The following DLGAP2 variants were observed in gnomAD, a reference collection of about 807,000 sequenced individuals.
DLGAP2 encodes disks large-associated protein 2.
DLGAP2 carries 26 observed loss-of-function variants against 100.3 expected under a neutral mutation model. That is an observed-to-expected ratio of 0.26 (90% CI 0.19 to 0.36). DLGAP2 has a LOEUF of 0.36. Ranked by LOEUF, DLGAP2 falls within the 10% of genes least tolerant of loss-of-function variation. The pLI is 1.00. For missense variants in DLGAP2, 1,858 were observed against 1,453.2 expected (o/e 1.28, Z -4.53); for synonymous variants, 886 against 630.1 (o/e 1.41, Z -6.08).
At chr8:1,274,558 T>C (rs1013681949) in intron 3 of DLGAP2, among the ~76,000 whole-genome samples, 3 of 151,366 alleles carry the variant, frequency 2.0e-5, no homozygotes, top group Admixed American at 6.6e-5. Flanking sequence ...TTTTAGAACA[T>C]AAACCATAAA....
At chr8:1,104,694 G>C (rs1399218655) in intron 2 of DLGAP2, among the ~76,000 whole-genome samples, 1 of 151,154 alleles carries the variant, frequency 6.6e-6, no homozygotes, top group East Asian at 2.0e-4. Context: ...GGGCTGGTGG[G>C]CTGCACTGAG....
intron 2 of DLGAP2, among the ~76,000 whole-genome samples, chr8:994,003 T>G (rs1437650368): frequency 1.3e-5 from 2 of 152,246 alleles, no homozygotes; most frequent in Non-Finnish European, 2.9e-5. Flanking sequence ...TTTATTAGTA[T>G]ACTTTTGTAT....
At chr8:964,519 G>C (rs1302322901) in intron 2 of DLGAP2, among the ~76,000 whole-genome samples, 1 of 152,238 alleles carries the variant, frequency 6.6e-6, no homozygotes, top group Non-Finnish European at 1.5e-5. Context: ...TCCAGGTTCA[G>C]CTGTTTATTT....
intron 12 of DLGAP2, among the ~76,000 whole-genome samples, chr8:1,686,894 C>G (rs968155917): frequency 2.6e-5 from 4 of 152,232 alleles, no homozygotes; most frequent in Admixed American, 2.6e-4. Flanking sequence ...AACACACACA[C>G]ATAAATGTTT....
chr8:1,315,090 C>A (rs551672141), intron 3 of DLGAP2, among the ~76,000 whole-genome samples: 1 of 152,182 alleles, frequency 6.6e-6, no homozygotes, highest in Non-Finnish European at 1.5e-5. Context: ...TTTTCAGAAG[C>A]GGCGACACCA....
intron 2 of DLGAP2, among the ~76,000 whole-genome samples, chr8:917,874 C>T (rs1031311921): frequency 2.6e-5 from 4 of 152,134 alleles, no homozygotes; most frequent in African/African-American, 4.8e-5. Flanking sequence ...CTACTGCGCC[C>T]GGCCTCCAGA....
rs146135524 is a variant in DLGAP2, at chr8:1,436,285, C to G, written c.107-65081C>G. ...CCCGGGCAAACCACTGGTGTGAGTC[C>G]AAGAGTCCAAAAGCTGAAGAACTTG... On this transcript the variant is annotated intron_variant, in intron 3 of 14. Transcript: ENST00000637795. Among the ~76,000 whole-genome samples, 1,110 of 152,280 alleles carry G rather than the reference C, an allele frequency of 7.3e-3. 12 individuals are homozygous for G. The highest frequency in any genetic ancestry group is 0.026 in the African/African-American group (1,068 of 41,564).
intron 2 of DLGAP2, among the ~76,000 whole-genome samples, chr8:1,164,195 C>A (rs1372620391): frequency 0.034 from 3,225 of 93,524 alleles, 229 homozygotes; most frequent in Middle Eastern, 0.048. Flanking sequence ...GGGGATTTTT[C>A]TGTGAGCCCC....
rs1461611074 is a variant in DLGAP2, at chr8:1,632,991, A to G, written c.1755A>G (p.Glu585=). ...AAGCCGGCTACTCCCAAGATGACGA[A>G]TGTATTCCCATGATGACACCCTCTG... The part of the protein sequence containing the change: ...AIQAGYSQDD[E]CIPMMTPSDI... The change falls in exon 8 of 15, where the codon GAA becomes GAG. Residue 585 remains glutamate (E), a synonymous_variant. Coordinates refer to ENST00000637795, the MANE Select transcript of DLGAP2 (RefSeq NM_001346810.2). 2 of 1,613,874 alleles carry G rather than the reference A, an allele frequency of 1.2e-6. No individual in the cohort carries two copies. The highest frequency in any genetic ancestry group is 1.3e-5 in the African/African-American group (1 of 74,916).
chr8:1,595,369 C>T (rs1194247759), intron 6 of DLGAP2, among the ~76,000 whole-genome samples: 1 of 152,060 alleles, frequency 6.6e-6, no homozygotes, highest in East Asian at 1.9e-4. Flanking sequence ...ATACTGAAGT[C>T]AAGAAATAGG....
At chr8:1,518,494 G>T (rs371072577) in intron 4 of DLGAP2, among the ~76,000 whole-genome samples, 20 of 152,258 alleles carry the variant, frequency 1.3e-4, no homozygotes, top group African/African-American at 4.8e-4. Flanking sequence ...TTTATATAAC[G>T]TTTGAGTTTC....
intron 3 of DLGAP2, among the ~76,000 whole-genome samples, chr8:1,489,010 C>G (rs955954752): frequency 1.3e-5 from 2 of 152,194 alleles, no homozygotes; most frequent in South Asian, 4.1e-4. Context: ...TCGCATTCAG[C>G]TTAAATAATC....
intron 2 of DLGAP2, among the ~76,000 whole-genome samples, chr8:1,162,339 G>A (rs192609903): frequency 1.3e-5 from 2 of 152,212 alleles, no homozygotes; most frequent in African/African-American, 2.4e-5. Context: ...AGCGTGAATT[G>A]AGCAGTGGCT....
chr8:1,280,465 T>A (rs1394309767), intron 3 of DLGAP2, among the ~76,000 whole-genome samples: 1 of 152,242 alleles, frequency 6.6e-6, no homozygotes, highest in African/African-American at 2.4e-5. Flanking sequence ...CTAGCGTTTT[T>A]AAACAGGAAG....
intron 1 of DLGAP2, among the ~76,000 whole-genome samples, chr8:903,112 A>G (rs948876946): frequency 2.0e-5 from 3 of 152,058 alleles, no homozygotes; most frequent in African/African-American, 7.2e-5. Flanking sequence ...AGCGGCCGTC[A>G]GAGTCCCTAT....
At chr8:1,293,949 G>C (rs1378311297) in intron 3 of DLGAP2, among the ~76,000 whole-genome samples, 1 of 152,210 alleles carries the variant, frequency 6.6e-6, no homozygotes, top group Non-Finnish European at 1.5e-5. Flanking sequence ...TCAGGCTGCG[G>C]ATACCTTGCA....
intron 3 of DLGAP2, chr8:1,300,142 A>T (rs1800297022): frequency 6.6e-6 from 1 of 152,228 alleles, no homozygotes. Flanking sequence ...CAGCATATCG[A>T]TTTGTCAGGG....
At position 1,251,587 on chromosome 8, in the gene DLGAP2, C is replaced by A. The variant is rs183376319; in HGVS notation, c.74-7264C>A. On this transcript the variant is annotated intron_variant, in intron 2 of 14. Coordinates refer to ENST00000637795, the MANE Select transcript of DLGAP2 (RefSeq NM_001346810.2). ...GTGCTGGGATTACACGTGCAAGCCA[C>A]GGTGCCTGGCTGAAGTATAAGTTAT... is the stretch of plus-strand genomic sequence containing the variant. 7.9e-5 allele frequency among the ~76,000 whole-genome samples: 12 copies of A among 152,296 alleles called. No homozygotes were observed. In the East Asian group the frequency reaches 1.7e-3, roughly 22 times the overall value.
intron 2 of DLGAP2, among the ~76,000 whole-genome samples, chr8:1,004,027 C>T (rs188242651): frequency 1.3e-5 from 2 of 152,212 alleles, no homozygotes; most frequent in East Asian, 3.9e-4. Flanking sequence ...TTGATGTTGC[C>T]TGGCACAAAA....
Sources: gnomAD v4.1 joint callset for allele counts (sites outside exome capture counted in the v4.1 genomes callset) on GRCh38, gnomAD v4.1.1 for gene constraint, MANE v1.5 for transcripts, NCBI Gene and HGNC (gene_info 2026-07-23, HGNC 2026-07-21) for gene names.